FBXL7: variants seen among roughly 807,000 people sequenced by gnomAD.
The protein encoded by FBXL7 is F-box/LRR-repeat protein 7.
A neutral mutation model predicts 38.3 loss-of-function variants in FBXL7; 12 were observed. The observed-to-expected ratio is 0.31, with a 90% CI of 0.20 to 0.51. The LOEUF is 0.51. FBXL7 is among the 20% of genes least tolerant of loss of function. The pLI is 0.98. For missense variants in FBXL7, 567 were observed against 676.4 expected (o/e 0.84, Z 1.79); for synonymous variants, 297 against 300.9 (o/e 0.99, Z 0.13).
rs570962795 is a variant in FBXL7, at chr5:15,730,254, T to A, written c.127+114182T>A. Among the ~76,000 whole-genome samples, 355 of 152,310 alleles carry A rather than the reference T, an allele frequency of 2.3e-3. 3 individuals are homozygous for A. The highest frequency in any genetic ancestry group is 8.2e-3 in the African/African-American group (339 of 41,586). On this transcript the variant is annotated intron_variant, in intron 2 of 3. Coordinates refer to ENST00000504595, the MANE Select transcript of FBXL7 (RefSeq NM_012304.5). ...TCTCAAAGTTTCGTGTATTTTTCTC[T>A]TGCACAGGTACTGTAAATCTCATAA... is the stretch of plus-strand genomic sequence containing the variant.
intron 2 of FBXL7, among the ~76,000 whole-genome samples, chr5:15,896,918 G>A (rs1741117324): frequency 6.6e-6 from 1 of 152,196 alleles, no homozygotes; most frequent in Non-Finnish European, 1.5e-5. Flanking sequence ...CAGATCACTT[G>A]AGGCCAGGAG....
chr5:15,578,818 G>A (rs1739046633), intron 1 of FBXL7, among the ~76,000 whole-genome samples: 1 of 152,114 alleles, frequency 6.6e-6, no homozygotes, highest in South Asian at 2.1e-4. Context: ...AAAAAAGTTT[G>A]GTGGCTAAAT....
At chr5:15,626,518 G>T (rs971862004) in intron 2 of FBXL7, among the ~76,000 whole-genome samples, 1 of 149,892 alleles carries the variant, frequency 6.7e-6, no homozygotes, top group African/African-American at 2.4e-5. Context: ...AATATCATAT[G>T]ATAGTCTTAG....
intron 1 of FBXL7, among the ~76,000 whole-genome samples, chr5:15,577,775 C>T (rs1739019127): frequency 6.6e-6 from 1 of 152,292 alleles, no homozygotes; most frequent in East Asian, 1.9e-4. Context: ...TTGTCTGCCA[C>T]TGTCCGTCTC....
intron 2 of FBXL7, among the ~76,000 whole-genome samples, chr5:15,830,495 C>CACACAT (rs1738428431): frequency 6.8e-6 from 1 of 146,414 alleles, no homozygotes; most frequent in South Asian, 2.1e-4. Context: ...AACACACACA[C>CACACAT]ACACACACAC....
intron 1 of FBXL7, among the ~76,000 whole-genome samples, chr5:15,503,634 G>C (rs77610963): frequency 6.6e-6 from 1 of 152,154 alleles, no homozygotes; most frequent in African/African-American, 2.4e-5. Context: ...CTTCCACCAT[G>C]TGGATGTCCT....
At chr5:15,708,529 C>T (rs1021827832) in intron 2 of FBXL7, among the ~76,000 whole-genome samples, 1 of 152,196 alleles carries the variant, frequency 6.6e-6, no homozygotes, top group Non-Finnish European at 1.5e-5. Flanking sequence ...AGTGCCAGCA[C>T]TTCATTGCTG....
intron 1 of FBXL7, among the ~76,000 whole-genome samples, chr5:15,522,418 C>G (rs1481958406): frequency 6.6e-6 from 1 of 152,136 alleles, no homozygotes; most frequent in Non-Finnish European, 1.5e-5. Flanking sequence ...GATCGATGCT[C>G]CGAATGACAT....
intron 2 of FBXL7, among the ~76,000 whole-genome samples, chr5:15,854,623 T>C (rs1452780458): frequency 6.6e-6 from 1 of 152,216 alleles, no homozygotes; most frequent in Admixed American, 6.5e-5. Flanking sequence ...AAAATGCTTT[T>C]GAATTTGAAC....
At chr5:15,725,393 C>T (rs1289424092) in intron 2 of FBXL7, among the ~76,000 whole-genome samples, 1 of 151,992 alleles carries the variant, frequency 6.6e-6, no homozygotes, top group Non-Finnish European at 1.5e-5. Flanking sequence ...CTTTTGTGAT[C>T]CACTGGGTTA....
intron 2 of FBXL7, among the ~76,000 whole-genome samples, chr5:15,722,930 C>CAAAAGAAACA (rs1744241216): frequency 1.4e-5 from 2 of 142,080 alleles, no homozygotes; most frequent in South Asian, 4.4e-4. Context: ...TCAAAAAAAA[C>CAAAAGAAACA]AAAAAAAAAA....
intron 2 of FBXL7, among the ~76,000 whole-genome samples, chr5:15,919,168 G>A (rs1741676195): frequency 6.6e-6 from 1 of 152,200 alleles, no homozygotes; most frequent in South Asian, 2.1e-4. Flanking sequence ...CAAAAGTTTT[G>A]GTAATCAGAG....
chr5:15,930,198 AC>A (rs1742002549), intron 3 of FBXL7, among the ~76,000 whole-genome samples: 1 of 152,152 alleles, frequency 6.6e-6, no homozygotes, highest in African/African-American at 2.4e-5. Context: ...AGGTTTTCTT[AC>A]ATTTTTCCTC....
chr5:15,824,884 CTTTTCAGTT>C (rs1206540434), intron 2 of FBXL7, among the ~76,000 whole-genome samples: 1 of 152,138 alleles, frequency 6.6e-6, no homozygotes, highest in Non-Finnish European at 1.5e-5. Context: ...TCAGGCCAAT[CTTTTCAGTT>C]TTGAAACCAA....
At chr5:15,650,734 A>G (rs1214866433) in intron 2 of FBXL7, among the ~76,000 whole-genome samples, 1 of 152,238 alleles carries the variant, frequency 6.6e-6, no homozygotes, top group Non-Finnish European at 1.5e-5. Context: ...AGTAAATTCC[A>G]TGTCAAGAAA....
At position 15,520,024 on chromosome 5, in the gene FBXL7, G is replaced by C. The variant is rs568576122; in HGVS notation, c.37+19311G>C. ...TATTTCTTGATGATATGCTAAACAA[G>C]TGGTGGATTATTCATGCTTCCCCTT... is the stretch of plus-strand genomic sequence containing the variant. On this transcript the variant is annotated intron_variant, in intron 1 of 3. Transcript: ENST00000504595. Among the ~76,000 whole-genome samples the C allele has an allele frequency of 4.6e-5, 7 of 152,358 alleles. No individual in the cohort carries two copies. The South Asian group carries it at 1.4e-3, about 32-fold the overall frequency.
chr5:15,818,043 T>C (rs1738068127), intron 2 of FBXL7, among the ~76,000 whole-genome samples: 1 of 152,108 alleles, frequency 6.6e-6, no homozygotes. Flanking sequence ...CAGTACAAGA[T>C]GAATTTTGAC....
chr5:15,811,628 T>C (rs1470562208), intron 2 of FBXL7, among the ~76,000 whole-genome samples: 2 of 152,004 alleles, frequency 1.3e-5, no homozygotes, highest in Non-Finnish European at 2.9e-5. Flanking sequence ...TGTTCCATGC[T>C]TAAACAAATT....
chr5:15,927,787 A>AAAAAAT, intron 2 of FBXL7, 103 bp from the exon 3 acceptor site: 2 of 751,934 alleles, frequency 2.7e-6, no homozygotes, highest in Non-Finnish European at 3.6e-6. Flanking sequence ...AAAAAAAAAA[A>AAAAAAT]GAAGAAGAAA....
Sources: allele counts gnomAD v4.1 joint callset (sites outside exome capture counted in the v4.1 genomes callset), GRCh38; gene constraint gnomAD v4.1.1; transcripts MANE v1.5; gene names NCBI Gene and HGNC (gene_info 2026-07-23, HGNC 2026-07-21).